The following CSMD1 variants were observed in gnomAD, a reference collection of about 807,000 sequenced individuals.
The protein encoded by CSMD1 is CUB and sushi domain-containing protein 1.
In CSMD1, 213 loss-of-function variants were observed where a neutral mutation model predicts 417.5. The observed-to-expected ratio is 0.51, with a 90% CI of 0.46 to 0.57. CSMD1 has a LOEUF of 0.57. Among genes scored for constraint, CSMD1 ranks in the 20% least tolerant of loss-of-function variants. The probability of loss-of-function intolerance (pLI) is 0.00; values close to 1 mark genes in which losing one functional copy is unlikely to be tolerated. For synonymous variants in CSMD1, 2,862 were observed against 1,736.8 expected (o/e 1.65, Z -16.11); for missense variants, 6,923 against 4,529.7 (o/e 1.53, Z -15.17).
intron 1 of CSMD1, among the ~76,000 whole-genome samples, chr8:4,745,700 G>C (rs1193829699): frequency 1.3e-5 from 2 of 152,198 alleles, no homozygotes; most frequent in African/African-American, 4.8e-5. Context: ...CTTAGCTACT[G>C]AGGGCTATCA....
intron 26 of CSMD1, among the ~76,000 whole-genome samples, chr8:3,251,305 A>G (rs1179275963): frequency 6.6e-6 from 1 of 152,150 alleles, no homozygotes; most frequent in Non-Finnish European, 1.5e-5. Flanking sequence ...TCCCAGCACC[A>G]TTTATTAAAT....
intron 3 of CSMD1, among the ~76,000 whole-genome samples, chr8:4,207,026 T>G (rs544166226): frequency 6.6e-5 from 10 of 152,326 alleles, no homozygotes; most frequent in African/African-American, 2.2e-4. Context: ...ATATTCCTCT[T>G]TAAATGTGTA....
chr8:3,491,274 C>T (rs1375055150), intron 11 of CSMD1, among the ~76,000 whole-genome samples: 1 of 152,140 alleles, frequency 6.6e-6, no homozygotes, highest in Non-Finnish European at 1.5e-5. Flanking sequence ...CCTCAATGTA[C>T]ACTAGGTTTG....
At chr8:4,907,559 G>A (rs1175055740) in intron 1 of CSMD1, among the ~76,000 whole-genome samples, 1 of 151,906 alleles carries the variant, frequency 6.6e-6, no homozygotes, top group Non-Finnish European at 1.5e-5. Context: ...TCTTTTTGTT[G>A]TTGTTTTATT....
At chr8:4,657,036 A>G (rs1406189472) in intron 1 of CSMD1, among the ~76,000 whole-genome samples, 1 of 152,168 alleles carries the variant, frequency 6.6e-6, no homozygotes, top group Non-Finnish European at 1.5e-5. Flanking sequence ...AGGACACGCA[A>G]AAGATCACAA....
intron 5 of CSMD1, among the ~76,000 whole-genome samples, chr8:3,962,487 G>A (rs1282168773): frequency 6.6e-6 from 1 of 152,162 alleles, no homozygotes; most frequent in Non-Finnish European, 1.5e-5. Context: ...CCCTGTTTAT[G>A]ACAGCCAGCA....
chr8:4,276,270 T>C (rs949863623), intron 3 of CSMD1, among the ~76,000 whole-genome samples: 3 of 152,284 alleles, frequency 2.0e-5, no homozygotes, highest in Non-Finnish European at 2.9e-5. Flanking sequence ...GTGGCACATA[T>C]ACACCACGGA....
At chr8:4,643,980 G>C (rs373100149) in intron 1 of CSMD1, among the ~76,000 whole-genome samples, 59 of 152,264 alleles carry the variant, frequency 3.9e-4, no homozygotes, top group African/African-American at 1.3e-3. Context: ...AGGGTACTTG[G>C]TTGGGTTTTA....
At chr8:3,585,795 G>C (rs775252162) in intron 9 of CSMD1, among the ~76,000 whole-genome samples, 5 of 152,088 alleles carry the variant, frequency 3.3e-5, no homozygotes, top group Admixed American at 6.5e-5. Context: ...GGTTTGCGGG[G>C]TGCACAGAAA....
At chr8:3,759,770 T>A (rs936237042) in intron 5 of CSMD1, among the ~76,000 whole-genome samples, 2 of 148,174 alleles carry the variant, frequency 1.3e-5, no homozygotes, top group East Asian at 2.0e-4. Flanking sequence ...TAGCCAGACA[T>A]GGTGGCAGAC....
At chr8:4,035,998 G>A (rs949772470) in intron 3 of CSMD1, among the ~76,000 whole-genome samples, 1 of 152,040 alleles carries the variant, frequency 6.6e-6, no homozygotes, top group Admixed American at 6.5e-5. Flanking sequence ...TTTTAATGCT[G>A]TTTTATTACT....
intron 1 of CSMD1, among the ~76,000 whole-genome samples, chr8:4,864,203 C>T (rs181837560): frequency 6.6e-6 from 1 of 151,886 alleles, no homozygotes; most frequent in African/African-American, 2.4e-5. Flanking sequence ...CCAAAACAGA[C>T]TGAATTTCAA....
rs7014369 is a variant in CSMD1, at chr8:4,398,550, T to C, written c.415+21403A>G. On this transcript the variant is annotated intron_variant, in intron 3 of 69. Coordinates refer to ENST00000635120, the MANE Select transcript of CSMD1 (RefSeq NM_033225.6). ...GTGGGACTACAGGCGCCCGCCACCA[T>C]GCCCGGCCAAATTTTTTTGTATTTT... Among the ~76,000 whole-genome samples, 861 of 151,842 alleles carry C rather than the reference T, an allele frequency of 5.7e-3. 7 individuals carry two copies. The highest frequency in any genetic ancestry group is 0.016 in the African/African-American group (671 of 41,432).
intron 49 of CSMD1, among the ~76,000 whole-genome samples, chr8:3,072,290 G>C (rs1813371581): frequency 6.6e-6 from 1 of 152,122 alleles, no homozygotes; most frequent in Non-Finnish European, 1.5e-5. Flanking sequence ...TAGGAGTATG[G>C]AACCGAAGAA....
chr8:4,941,454 G>C (rs11786777), intron 1 of CSMD1, among the ~76,000 whole-genome samples: 4 of 151,832 alleles, frequency 2.6e-5, no homozygotes, highest in Non-Finnish European at 4.4e-5. Flanking sequence ...TGTACAACAA[G>C]TGTGCCACAA....
intron 1 of CSMD1, among the ~76,000 whole-genome samples, chr8:4,654,404 G>A (rs1327499226): frequency 6.6e-6 from 1 of 152,076 alleles, no homozygotes; most frequent in Non-Finnish European, 1.5e-5. Flanking sequence ...CTATTCTGGG[G>A]AAGTAGAGCA....
chr8:4,704,761 C>T (rs919416613), intron 1 of CSMD1, among the ~76,000 whole-genome samples: 9 of 152,050 alleles, frequency 5.9e-5, no homozygotes, highest in Non-Finnish European at 2.9e-5. Flanking sequence ...TGTGAGTTGT[C>T]GAGGCAGGAG....
chr8:3,096,031 A>C (rs1439749480), intron 47 of CSMD1, among the ~76,000 whole-genome samples: 1 of 152,160 alleles, frequency 6.6e-6, no homozygotes, highest in Non-Finnish European at 1.5e-5. Flanking sequence ...TTTCCAGTAA[A>C]ATAATTATTT....
At chr8:3,093,203 T>C (rs1815067451) in intron 47 of CSMD1, among the ~76,000 whole-genome samples, 1 of 152,104 alleles carries the variant, frequency 6.6e-6, no homozygotes, top group African/African-American at 2.4e-5. Context: ...GTAGTATGGG[T>C]GGGTCCTGAT....
Sources: gnomAD v4.1 joint callset for allele counts (sites outside exome capture counted in the v4.1 genomes callset) on GRCh38, gnomAD v4.1.1 for gene constraint, MANE v1.5 for transcripts, NCBI Gene and HGNC (gene_info 2026-07-23, HGNC 2026-07-21) for gene names.